CNTNAP2: variants seen among roughly 807,000 people sequenced by gnomAD.
The protein encoded by CNTNAP2 is contactin-associated protein-like 2.
Under a neutral mutation model 155.2 loss-of-function variants are expected in CNTNAP2, and 98 were observed. The ratio of observed to expected loss-of-function variants is 0.63; its 90% confidence interval spans 0.54 to 0.75. CNTNAP2 has a LOEUF of 0.75. Ranked by LOEUF, CNTNAP2 falls within the 30% of genes least tolerant of loss-of-function variation. The pLI is 0.00. For synonymous variants in CNTNAP2, 651 were observed against 631.2 expected (o/e 1.03, Z -0.47); for missense variants, 1,727 against 1,688.1 (o/e 1.02, Z -0.40).
At chr7:147,879,581 G>A (rs2116713511) in intron 13 of CNTNAP2, among the ~76,000 whole-genome samples, 1 of 152,196 alleles carries the variant, frequency 6.6e-6, no homozygotes, top group South Asian at 2.1e-4. Flanking sequence ...TAGGGGCTGA[G>A]GGAAGTGTCA....
intron 11 of CNTNAP2, among the ~76,000 whole-genome samples, chr7:147,517,369 A>C (rs1261954675): frequency 6.6e-6 from 1 of 152,150 alleles, no homozygotes; most frequent in Non-Finnish European, 1.5e-5. Context: ...AGGCAGGGAG[A>C]ACTTCCTTGT....
chr7:146,427,634 G>T (rs1038782064), intron 1 of CNTNAP2, among the ~76,000 whole-genome samples: 3 of 152,190 alleles, frequency 2.0e-5, no homozygotes, highest in Non-Finnish European at 2.9e-5. Context: ...ATCTGTGATT[G>T]CTTTGCCTTG....
intron 3 of CNTNAP2, among the ~76,000 whole-genome samples, chr7:146,944,914 G>T (rs1240946192): frequency 1.3e-5 from 2 of 151,932 alleles, no homozygotes; most frequent in African/African-American, 2.4e-5. Context: ...AAATCGTAAG[G>T]CTATGCATAG....
At chr7:147,452,594 A>T (rs1797851485) in intron 10 of CNTNAP2, among the ~76,000 whole-genome samples, 1 of 152,236 alleles carries the variant, frequency 6.6e-6, no homozygotes. Flanking sequence ...ATATTTACAT[A>T]TGAAAAGAAG....
intron 1 of CNTNAP2, among the ~76,000 whole-genome samples, chr7:146,361,088 G>A (rs1021995371): frequency 6.6e-6 from 1 of 152,154 alleles, no homozygotes; most frequent in African/African-American, 2.4e-5. Context: ...GAAAGCAAGA[G>A]AAAAGGACAT....
At chr7:146,123,469 A>T (rs1797591896) in intron 1 of CNTNAP2, among the ~76,000 whole-genome samples, 1 of 152,188 alleles carries the variant, frequency 6.6e-6, no homozygotes. Context: ...TGTGACTGGC[A>T]TACGCACTGT....
chr7:146,920,372 C>T (rs140240955), intron 3 of CNTNAP2, among the ~76,000 whole-genome samples: 220 of 151,294 alleles, frequency 1.5e-3, no homozygotes, highest in Non-Finnish European at 2.1e-3. Context: ...TGAGATTCCA[C>T]GCCATTGCAC....
At chr7:146,340,291 T>G (rs1043234908) in intron 1 of CNTNAP2, among the ~76,000 whole-genome samples, 17 of 147,498 alleles carry the variant, frequency 1.2e-4, no homozygotes, top group African/African-American at 3.9e-4. Context: ...TTGTTGTTTT[T>G]TTTTTTTTTT....
rs181643031 is a variant in CNTNAP2, at chr7:147,232,225, C to T, written c.1349-67916C>T. Among the ~76,000 whole-genome samples, 409 of 152,238 alleles carry T rather than the reference C, an allele frequency of 2.7e-3. 1 individual carries two copies. The highest frequency in any genetic ancestry group is 9.2e-3 in the African/African-American group (383 of 41,540). Reference sequence around the variant, plus strand: ...GCCCATATACATGGATTGGAAGAATCAATATTATTTAAATGTACATATAAA... The same window carrying T: ...GCCCATATACATGGATTGGAAGAATTAATATTATTTAAATGTACATATAAA... On this transcript the variant is annotated intron_variant, in intron 8 of 23. Coordinates refer to ENST00000361727, the MANE Select transcript of CNTNAP2 (RefSeq NM_014141.6).
intron 3 of CNTNAP2, among the ~76,000 whole-genome samples, chr7:146,854,646 G>C (rs918935011): frequency 6.6e-6 from 1 of 152,130 alleles, no homozygotes; most frequent in South Asian, 2.1e-4. Context: ...AAGTACACGG[G>C]ATCTACTCAC....
intron 8 of CNTNAP2, among the ~76,000 whole-genome samples, chr7:147,270,872 G>A (rs909269527): frequency 2.0e-5 from 3 of 152,146 alleles, no homozygotes; most frequent in Admixed American, 6.5e-5. Flanking sequence ...CCATTAGGAC[G>A]ACTGTGGTGG....
At chr7:147,382,898 A>T (rs537434464) in intron 9 of CNTNAP2, among the ~76,000 whole-genome samples, 1 of 151,828 alleles carries the variant, frequency 6.6e-6, no homozygotes, top group South Asian at 2.1e-4. Flanking sequence ...GCACCTTCTC[A>T]AACTTTTTAA....
intron 1 of CNTNAP2, among the ~76,000 whole-genome samples, chr7:146,620,721 A>T (rs1442780817): frequency 1.3e-5 from 2 of 152,172 alleles, no homozygotes; most frequent in Non-Finnish European, 1.5e-5. Flanking sequence ...ATGTTTGATG[A>T]TCCAGTGAGA....
intron 3 of CNTNAP2, among the ~76,000 whole-genome samples, chr7:146,904,535 G>A (rs867598861): frequency 6.6e-6 from 1 of 152,114 alleles, no homozygotes; most frequent in Admixed American, 6.5e-5. Context: ...ACAGTGGCGC[G>A]ATCTCGGCTC....
chr7:148,144,701 T>C (rs570651643), intron 16 of CNTNAP2, among the ~76,000 whole-genome samples: 1 of 152,306 alleles, frequency 6.6e-6, no homozygotes, highest in Admixed American at 6.5e-5. Flanking sequence ...TGCATCCAAT[T>C]CTCAAATACT....
At chr7:146,924,962 T>A (rs928599895) in intron 3 of CNTNAP2, among the ~76,000 whole-genome samples, 1 of 152,138 alleles carries the variant, frequency 6.6e-6, no homozygotes. Context: ...TAAAAATGTA[T>A]GTTTTCTGAT....
At chr7:147,789,997 G>A (rs1253845192) in intron 13 of CNTNAP2, among the ~76,000 whole-genome samples, 1 of 152,146 alleles carries the variant, frequency 6.6e-6, no homozygotes, top group Non-Finnish European at 1.5e-5. Flanking sequence ...TTCACCTTGT[G>A]ATTGTGTGAG....
chr7:147,393,794 G>C (rs1280414764), intron 9 of CNTNAP2, among the ~76,000 whole-genome samples: 3 of 151,864 alleles, frequency 2.0e-5, no homozygotes, highest in East Asian at 3.9e-4. Context: ...TTTAAGTCAA[G>C]AAGTTAATTC....
At chr7:148,046,122 C>A (rs1802769785) in intron 15 of CNTNAP2, among the ~76,000 whole-genome samples, 1 of 152,004 alleles carries the variant, frequency 6.6e-6, no homozygotes, top group Admixed American at 6.6e-5. Context: ...ACTCTGTTGC[C>A]CAGGCTGGAA....
Sources: allele counts gnomAD v4.1 joint callset (sites outside exome capture counted in the v4.1 genomes callset), GRCh38; gene constraint gnomAD v4.1.1; transcripts MANE v1.5; gene names NCBI Gene and HGNC (gene_info 2026-07-23, HGNC 2026-07-21).